The following JMJD1C variants were observed in gnomAD, a reference collection of about 807,000 sequenced individuals.
JMJD1C encodes the protein jumonji domain-containing protein 1C.
A neutral mutation model predicts 245.3 loss-of-function variants in JMJD1C; 31 were observed. The ratio of observed to expected loss-of-function variants is 0.13; its 90% CI spans 0.09 to 0.17. The LOEUF is 0.17. Ranked by LOEUF, JMJD1C falls within the 10% of genes least tolerant of loss-of-function variation. The probability of loss-of-function intolerance (pLI) is 1.00; values close to 1 mark genes in which losing one functional copy is unlikely to be tolerated. For synonymous variants in JMJD1C, 1,057 were observed against 1,017.4 expected, an observed-to-expected ratio of 1.04 and a Z score of -0.74; for missense variants, 2,691 against 3,000.2, an observed-to-expected ratio of 0.90 and a Z score of 2.41.
At chr10:63,339,053 T>C (rs1473650021) in intron 2 of JMJD1C, among the ~76,000 whole-genome samples, 6 of 152,202 alleles carry the variant, frequency 3.9e-5, no homozygotes, top group African/African-American at 1.4e-4. Context: ...AAGAGGCCCC[T>C]TGTTTATGGT....
chr10:63,421,469 T>C (rs921136445), intron 1 of JMJD1C, among the ~76,000 whole-genome samples: 4 of 152,224 alleles, frequency 2.6e-5, no homozygotes, highest in Non-Finnish European at 5.9e-5. Flanking sequence ...GTGGAGGTTC[T>C]GGAGTGCTGG....
At chr10:63,242,663 T>C (rs1031028464) in intron 3 of JMJD1C, among the ~76,000 whole-genome samples, 14 of 152,062 alleles carry the variant, frequency 9.2e-5, no homozygotes, top group African/African-American at 3.4e-4. Flanking sequence ...GACGCGGAGG[T>C]TGCAGTGAAG....
rs537975551 is a variant in JMJD1C at position 63,208,618 on chromosome 10, T to C, written c.3051A>G (p.Lys1017=). ...GAATTCGACGGTGTTCCTCTTTGTA[T>C]TTGTTTAACCTCTCTCCAGTCTCCT... ...PPQETGERLN[K]YKEEHRRILQ... Residue 1017 remains lysine (K), a synonymous_variant, in exon 10 of 26, where the codon AAA becomes AAG. Coordinates refer to ENST00000399262, the MANE Select transcript of JMJD1C (RefSeq NM_032776.3). 1.9e-6 allele frequency: 3 copies of C among 1,614,068 alleles called. No individual in the cohort carries two copies. The African/African-American group carries it at 4.0e-5, about 22-fold the overall frequency.
chr10:63,471,082 A>T (rs913077067), intron 1 of JMJD1C, among the ~76,000 whole-genome samples: 4 of 152,180 alleles, frequency 2.6e-5, no homozygotes, highest in African/African-American at 9.7e-5. Flanking sequence ...CATCCCTATC[A>T]TAAACGCTCC....
chr10:63,352,777 G>C (rs1231681624), intron 2 of JMJD1C, among the ~76,000 whole-genome samples: 2 of 152,150 alleles, frequency 1.3e-5, no homozygotes, highest in Non-Finnish European at 2.9e-5. Context: ...GGTATGCGTA[G>C]TTTTTAATAG....
In JMJD1C at chr10:63,214,786, T is replaced by C. The variant is rs756289752; in HGVS notation, c.1381A>G (p.Ile461Val). The change falls in exon 8 of 26, where the codon ATT becomes GTT. Residue 461 changes from isoleucine to valine, a missense_variant. Transcript: ENST00000399262. ...GTGGACTGTTCTGACGAATGAATAA[T>C]CATATCTTCTTGAAGCTGAGTGTCA... ...SVDTQLQEDM[I>V]IHSSEQSTVS... 55 of 1,613,610 alleles carry C rather than the reference T, an allele frequency of 3.4e-5. No homozygotes were observed. Among genetic ancestry groups the C allele is most frequent in the Non-Finnish European group, 4.6e-5 (54 of 1,179,788 alleles).
At chr10:63,370,557 T>C (rs1398328518) in intron 2 of JMJD1C, among the ~76,000 whole-genome samples, 1 of 152,242 alleles carries the variant, frequency 6.6e-6, no homozygotes, top group Non-Finnish European at 1.5e-5. Flanking sequence ...GCTACCTTCC[T>C]TGATAACTGC....
intron 2 of JMJD1C, among the ~76,000 whole-genome samples, chr10:63,286,862 A>G (rs1329570995): frequency 2.0e-5 from 3 of 152,216 alleles, no homozygotes; most frequent in African/African-American, 7.2e-5. Flanking sequence ...AATAACCTCA[A>G]AAGTAGTTTC....
At chr10:63,386,216 T>C (rs867347519) in intron 1 of JMJD1C, among the ~76,000 whole-genome samples, 1 of 152,268 alleles carries the variant, frequency 6.6e-6, no homozygotes, top group Middle Eastern at 3.4e-3. Flanking sequence ...GGCATTTTCA[T>C]ATGCCCTAAA....
At position 63,243,398 on chromosome 10, in the gene JMJD1C, T is replaced by C. The variant is rs548205281; in HGVS notation, c.447+21253A>G. ...AAAATTAGCCAGGCATGGTGGTGCA[T>C]GCCTGTAATCCCAGCTACTTGGGAG... is the stretch of plus-strand genomic sequence containing the variant. On this transcript the variant is annotated intron_variant, in intron 3 of 25. Coordinates refer to ENST00000399262, the MANE Select transcript of JMJD1C (RefSeq NM_032776.3). Among the ~76,000 whole-genome samples the C allele has an allele frequency of 5.4e-4, 82 of 151,926 alleles. 1 individual carries two copies. The highest frequency in any genetic ancestry group is 1.6e-3 in the African/African-American group (67 of 41,470).
intron 3 of JMJD1C, chr10:63,222,979 C>G (rs1240366500): frequency 1.4e-6 from 2 of 1,436,224 alleles, no homozygotes; most frequent in Non-Finnish European, 2.0e-6. Context: ...CAGTGAGAGA[C>G]GAGGATCCAC....
chr10:63,200,726 T>C, intron 10 of JMJD1C, 49 bp from the exon 11 acceptor site: 5 of 1,493,692 alleles, frequency 3.3e-6, no homozygotes, highest in Non-Finnish European at 4.6e-6. Context: ...TTGTAAAAAG[T>C]TAAACTCCTT....
At chr10:63,188,233 C>T (rs527991271) in intron 18 of JMJD1C, among the ~76,000 whole-genome samples, 61 of 152,306 alleles carry the variant, frequency 4.0e-4, no homozygotes, top group African/African-American at 1.4e-3. Context: ...CAAAAGCTCA[C>T]ACAAATTAAA....
chr10:63,478,049 A>C (rs2133175465), intron 1 of JMJD1C, among the ~76,000 whole-genome samples: 1 of 152,318 alleles, frequency 6.6e-6, no homozygotes, highest in African/African-American at 2.4e-5. Flanking sequence ...AAGGAAGATA[A>C]GGAACAATCA....
chr10:63,521,202 G>T (rs1199615799), intron 1 of JMJD1C, among the ~76,000 whole-genome samples: 1 of 152,002 alleles, frequency 6.6e-6, no homozygotes, highest in Non-Finnish European at 1.5e-5. Flanking sequence ...CGTCCAGCGC[G>T]GGCTAGGATC....
In JMJD1C at chr10:63,378,575, G is replaced by A. The variant is rs577033866; in HGVS notation, c.333+1743C>T. On this transcript the variant is annotated intron_variant, in intron 2 of 25. Coordinates refer to ENST00000399262, the MANE Select transcript of JMJD1C (RefSeq NM_032776.3). ...CCACTGCACTCCAGCCTGGGCAACA[G>A]AGTGAGACTCCATCTCAAAAAAACA... 9.9e-4 allele frequency among the ~76,000 whole-genome samples: 150 copies of A among 152,282 alleles called. 2 individuals are homozygous for A. The South Asian group carries it at 0.012, about 12-fold the overall frequency.
At chr10:63,334,816 C>G (rs1942530498) in intron 2 of JMJD1C, among the ~76,000 whole-genome samples, 1 of 151,998 alleles carries the variant, frequency 6.6e-6, no homozygotes, top group Admixed American at 6.5e-5. Context: ...TCAAACGACT[C>G]TCAGGCCTCA....
chr10:63,226,733 A>AG (rs1263255242), intron 3 of JMJD1C, among the ~76,000 whole-genome samples: 65 of 148,804 alleles, frequency 4.4e-4, no homozygotes, highest in African/African-American at 1.5e-3. Flanking sequence ...AAAAAAAAAA[A>AG]AAGAGAGAGA....
At chr10:63,316,330 T>C (rs1452291929) in intron 2 of JMJD1C, among the ~76,000 whole-genome samples, 1 of 152,270 alleles carries the variant, frequency 6.6e-6, no homozygotes, top group African/African-American at 2.4e-5. Flanking sequence ...CATTGGCTGC[T>C]TTTGGCATTT....
Sources: allele counts gnomAD v4.1 joint callset (sites outside exome capture counted in the v4.1 genomes callset), GRCh38; gene constraint gnomAD v4.1.1; transcripts MANE v1.5; gene names NCBI Gene and HGNC (gene_info 2026-07-23, HGNC 2026-07-21).